The following VPS54 variants were observed in gnomAD, a reference collection of about 807,000 sequenced individuals.
The protein encoded by VPS54 is vacuolar protein sorting-associated protein 54.
In VPS54, 45 loss-of-function variants were observed where a neutral mutation model predicts 121.5. That is an observed-to-expected ratio of 0.37 (90% CI 0.29 to 0.47). The LOEUF is 0.47. Among genes scored for constraint, VPS54 ranks in the 20% least tolerant of loss-of-function variants. VPS54 has a pLI of 0.99. For synonymous variants in VPS54, 371 were observed against 385.8 expected, an observed-to-expected ratio of 0.96 and a Z score of 0.45; for missense variants, 1,090 against 1,131.4, an observed-to-expected ratio of 0.96 and a Z score of 0.52.
At chr2:63,970,115 T>G (rs978715806) in intron 4 of VPS54, among the ~76,000 whole-genome samples, 1 of 151,336 alleles carries the variant, frequency 6.6e-6, no homozygotes, top group African/African-American at 2.4e-5. Flanking sequence ...ATCAGTTTAC[T>G]CCATCTCAGT....
chr2:63,971,408 A>G (rs1676279624), intron 4 of VPS54, among the ~76,000 whole-genome samples: 2 of 152,350 alleles, frequency 1.3e-5, no homozygotes, highest in Non-Finnish European at 2.9e-5. Flanking sequence ...AAAATTCCTT[A>G]CCACAGCATA....
chr2:63,893,587 T>C, intron 22 of VPS54, 52 bp from the exon 23 acceptor site: 1 of 1,503,674 alleles, frequency 6.7e-7, no homozygotes, highest in Non-Finnish European at 9.1e-7. Flanking sequence ...TCTATTCAGA[T>C]AATTAAAGTA....
intron 12 of VPS54, among the ~76,000 whole-genome samples, chr2:63,930,685 A>C (rs1674148793): frequency 6.6e-6 from 1 of 152,192 alleles, no homozygotes; most frequent in Non-Finnish European, 1.5e-5. Flanking sequence ...AAGAGAAAAA[A>C]ATAAAGGGTA....
chr2:64,017,814 CAACT>C (rs1206660547), intron 1 of VPS54, among the ~76,000 whole-genome samples: 1 of 152,208 alleles, frequency 6.6e-6, no homozygotes, highest in Non-Finnish European at 1.5e-5. Flanking sequence ...TCGTCCCAAA[CAACT>C]ATCAATTACA....
At chr2:63,983,597 C>T (rs1317869965) in intron 2 of VPS54, among the ~76,000 whole-genome samples, 1 of 151,854 alleles carries the variant, frequency 6.6e-6, no homozygotes, top group Non-Finnish European at 1.5e-5. Flanking sequence ...CGCCTGCCAC[C>T]ACACCCGGCT....
intron 1 of VPS54, among the ~76,000 whole-genome samples, chr2:64,007,756 A>G (rs1201155811): frequency 7.9e-5 from 12 of 152,182 alleles, no homozygotes; most frequent in Admixed American, 7.9e-4. Flanking sequence ...GGTAGGGCAA[A>G]TATGTTTAGA....
chr2:63,951,588 T>A (rs773050394), intron 7 of VPS54, among the ~76,000 whole-genome samples: 10 of 152,118 alleles, frequency 6.6e-5, no homozygotes, highest in Admixed American at 5.9e-4. Flanking sequence ...CAGTTATGAT[T>A]TAATACTGCA....
chr2:63,983,466 A>C (rs1676892608), intron 2 of VPS54, among the ~76,000 whole-genome samples: 1 of 107,400 alleles, frequency 9.3e-6, no homozygotes, highest in Non-Finnish European at 1.9e-5. Flanking sequence ...TTTTTTTGAG[A>C]TGGAGTCTGT....
intron 7 of VPS54, among the ~76,000 whole-genome samples, chr2:63,955,875 TCTG>T (rs1361020228): frequency 6.6e-6 from 1 of 152,060 alleles, no homozygotes; most frequent in African/African-American, 2.4e-5. Context: ...TTAAGATAAA[TCTG>T]CTAACACCTT....
chr2:63,944,634 G>T lies in VPS54; in HGVS notation c.1267C>A (p.Gln423Lys). 6.2e-7 allele frequency: 1 copy of T among 1,608,036 alleles called. No homozygotes were observed. The highest frequency in any genetic ancestry group is 8.5e-7 in the Non-Finnish European group (1 of 1,177,646). Residue 423 changes from glutamine (Q) to lysine (K), a missense_variant, in exon 10 of 23, where the codon CAA becomes AAA. Around this residue, in one of 2 missense-constraint regions of VPS54, gnomAD observed 801 missense variants for 757.0 expected, o/e 1.06. Transcript: ENST00000272322. ...IKQCVINKVS[Q>K]TEEIDTDVVV... is the part of the protein sequence containing the mutation. ...ACATCTGTGTCTATTTCTTCTGTTT[G>T]TGAAACTTTATTAATCACACACTGC...
chr2:63,920,001 C>T lies in VPS54; in HGVS notation c.2052-6G>A. On this transcript the variant is annotated splice_polypyrimidine_tract_variant and splice_region_variant and intron_variant, in intron 14 of 22. Transcript: ENST00000272322. The stretch of plus-strand genomic sequence containing the variant: ...GCTCATTGTCTAAGAGGAGGCTAGT[C>T]CACAGTAAGGAGAAAAGAAGGTAAA... 6.2e-7 allele frequency: 1 copy of T among 1,603,090 alleles called. No homozygotes were observed. The highest frequency in any genetic ancestry group is 8.5e-7 in the Non-Finnish European group (1 of 1,174,256).
chr2:63,914,422 T>C (rs780536472), intron 16 of VPS54, 135 bp from the exon 17 acceptor site: 45 of 646,898 alleles, frequency 7.0e-5, no homozygotes, highest in Non-Finnish European at 1.1e-4. Context: ...TATGTTAAAG[T>C]ATGCATTTTA....
chr2:63,994,968 T>C (rs1677511403), intron 1 of VPS54, among the ~76,000 whole-genome samples: 1 of 152,198 alleles, frequency 6.6e-6, no homozygotes, highest in African/African-American at 2.4e-5. Flanking sequence ...TCATTCTACT[T>C]TGCATAGGAG....
chr2:63,997,359 C>T (rs72808274), intron 1 of VPS54, among the ~76,000 whole-genome samples: 62 of 152,288 alleles, frequency 4.1e-4, no homozygotes, highest in Admixed American at 3.1e-3. Context: ...GACTTTTCAT[C>T]ACAACTTTTA....
Position 63,893,296 on chromosome 2 carries a change from C to T in VPS54, c.*134G>A, listed in dbSNP as rs576386991. 2.7e-5 allele frequency: 22 copies of T among 825,182 alleles called. No individual in the cohort carries two copies. The East Asian group carries it at 3.4e-4, about 13-fold the overall frequency. 51.1% of individuals were successfully genotyped at this position (825,182 alleles called of 1,614,324 possible). On this transcript the variant is annotated 3_prime_UTR_variant, in exon 23 of 23. Coordinates refer to ENST00000272322, the MANE Select transcript of VPS54 (RefSeq NM_016516.3). ...GAATCCAGTTTCCCAACACTTGATA[C>T]TTTCCTTTTTCCCTTCCCCCACCCC...
intron 11 of VPS54, among the ~76,000 whole-genome samples, chr2:63,937,640 G>C (rs1280636934): frequency 2.0e-5 from 3 of 152,048 alleles, no homozygotes; most frequent in African/African-American, 7.2e-5. Context: ...TCCAATTCTG[G>C]GGTTGACAAA....
Position 63,920,564 on chromosome 2 carries a change from A to G in VPS54, c.1933T>C (p.Phe645Leu), listed in dbSNP as rs367975488. ...CAGATCTGTTCGGTGTCTAAAATGAATGTTTCCATTAATCTAGAAAGTGTT... is the reference window on the plus strand; with the variant it reads ...CAGATCTGTTCGGTGTCTAAAATGAGTGTTTCCATTAATCTAGAAAGTGTT... The part of the protein sequence containing the change: ...FITLSRLMET[F>L]ILDTEQICGR... The change falls in exon 14 of 23, where the codon TTC becomes CTC. Residue 645 changes from phenylalanine to leucine, a missense_variant. Physicochemically the swap from Phe to Leu is conservative, Grantham distance 22 (BLOSUM62 0). Transcript: ENST00000272322. The G allele has an allele frequency of 3.3e-5, 52 of 1,576,374 alleles. No individual in the cohort carries two copies. The highest frequency in any genetic ancestry group is 4.3e-5 in the Non-Finnish European group (50 of 1,161,808).
At chr2:63,950,707 A>G (rs1193454327) in intron 7 of VPS54, among the ~76,000 whole-genome samples, 1 of 152,210 alleles carries the variant, frequency 6.6e-6, no homozygotes, top group Non-Finnish European at 1.5e-5. Context: ...CAAAACAGTA[A>G]GAGATAGCCT....
At chr2:63,924,493 A>G (rs895140446) in intron 12 of VPS54, among the ~76,000 whole-genome samples, 5 of 152,162 alleles carry the variant, frequency 3.3e-5, no homozygotes, top group African/African-American at 1.2e-4. Flanking sequence ...AAAGAAGAAA[A>G]ATTGGGAGAA....
Sources: gnomAD v4.1 joint callset for allele counts (sites outside exome capture counted in the v4.1 genomes callset) on GRCh38, gnomAD v4.1.1 for gene constraint, gnomAD v4.1.1 regional missense constraint, MANE v1.5 for transcripts, NCBI Gene and HGNC (gene_info 2026-07-23, HGNC 2026-07-21) for gene names.